Variants in TNIP3 observed in about 807,000 individuals in gnomAD.
The protein encoded by TNIP3 is TNFAIP3 interacting protein 3, also known as TNFAIP3-interacting protein 3.
In TNIP3, 34 loss-of-function variants were observed where a neutral mutation model predicts 54.1. That is an observed-to-expected ratio of 0.63 (90% CI 0.48 to 0.84). The LOEUF is 0.84. Ranked by LOEUF, TNIP3 falls within the 40% of genes least tolerant of loss-of-function variation. The pLI is 0.00. For missense variants in TNIP3, 366 were observed against 387.6 expected (o/e 0.94, Z 0.47); for synonymous variants, 134 against 136.8 (o/e 0.98, Z 0.14).
At chr4:121,145,875 G>A (rs1729397042) in intron 7 of TNIP3, among the ~76,000 whole-genome samples, 1 of 151,514 alleles carries the variant, frequency 6.6e-6, no homozygotes, top group African/African-American at 2.4e-5. Context: ...TACTTGGGAG[G>A]CTGAGGCAGG....
At chr4:121,167,898 CT>C (rs1198956092), upstream of TNIP3, among the ~76,000 whole-genome samples, 1 of 152,078 alleles carries the variant, frequency 6.6e-6, no homozygotes, top group East Asian at 1.9e-4. Context: ...GTCATCTCTG[CT>C]TGTATGCATA....
chr4:121,149,905 C>T lies in TNIP3; in HGVS notation c.609+198G>A, dbSNP rs568321542. Among the ~76,000 whole-genome samples the T allele has an allele frequency of 1.1e-4, 16 of 152,322 alleles. No homozygotes were observed. The South Asian group carries it at 3.3e-3, about 32-fold the overall frequency. ...CATTTAATCTGTCTGAAACTCAGTT[C>T]CCTATGTTCTAAATGGTGGGACTGA... On this transcript the variant is annotated intron_variant, in intron 6 of 10. Coordinates refer to ENST00000057513, the MANE Select transcript of TNIP3 (RefSeq NM_024873.6).
intron 2 of TNIP3, among the ~76,000 whole-genome samples, chr4:121,198,328 T>A (rs1269048286): frequency 6.6e-6 from 1 of 152,080 alleles, no homozygotes; most frequent in Non-Finnish European, 1.5e-5. Flanking sequence ...GAGAAGAAAA[T>A]AACCCAAAAC....
chr4:121,155,855 A>T (rs1211925259), intron 4 of TNIP3, among the ~76,000 whole-genome samples: 1 of 152,180 alleles, frequency 6.6e-6, no homozygotes, highest in African/African-American at 2.4e-5. Flanking sequence ...AATTTAAGAA[A>T]TCCGCTTTAG....
At chr4:121,138,718 A>G in intron 9 of TNIP3, 34 bp from the exon 10 acceptor site, 1 of 1,580,324 alleles carries the variant, frequency 6.3e-7, no homozygotes, top group Non-Finnish European at 8.7e-7. Context: ...TTATAGCAAT[A>G]TGGACTTCAA....
At chr4:121,150,045 A>C (rs1049433950) in intron 6 of TNIP3, 58 bp downstream of exon 6, 52 of 1,063,038 alleles carry the variant, frequency 4.9e-5, no homozygotes, top group East Asian at 3.4e-4. Flanking sequence ...ATGCCCAAAG[A>C]AGCATGAAAA....
upstream of TNIP3, among the ~76,000 whole-genome samples, chr4:121,167,701 G>C (rs1730841434): frequency 6.6e-6 from 1 of 152,160 alleles, no homozygotes; most frequent in South Asian, 2.1e-4. Context: ...ATTGGTTTTA[G>C]TTCATCATGT....
chr4:121,211,640 T>C (rs1428451419), intron 2 of TNIP3, among the ~76,000 whole-genome samples: 1 of 152,214 alleles, frequency 6.6e-6, no homozygotes, highest in African/African-American at 2.4e-5. Flanking sequence ...AGAATTTTAC[T>C]AATGCAATAC....
chr4:121,212,251 T>C (rs957924701), intron 2 of TNIP3, among the ~76,000 whole-genome samples: 8 of 152,336 alleles, frequency 5.3e-5, no homozygotes, highest in Admixed American at 4.6e-4. Context: ...GGGCGTTGTT[T>C]GCATGGAAGA....
At chr4:121,138,916 G>A (rs777158826) in intron 9 of TNIP3, among the ~76,000 whole-genome samples, 18 of 151,850 alleles carry the variant, frequency 1.2e-4, no homozygotes, top group Admixed American at 2.0e-4. Context: ...CCACTTTGAG[G>A]TTGTGACATA....
chr4:121,210,869 G>C (rs1726444523), intron 2 of TNIP3, among the ~76,000 whole-genome samples: 2 of 152,184 alleles, frequency 1.3e-5, no homozygotes, highest in South Asian at 4.2e-4. Context: ...CGAATTTAGG[G>C]GGACACAATT....
At chr4:121,214,051 T>C (rs1010208263) in intron 2 of TNIP3, among the ~76,000 whole-genome samples, 4 of 152,192 alleles carry the variant, frequency 2.6e-5, no homozygotes, top group African/African-American at 9.6e-5. Flanking sequence ...TATCAATACG[T>C]AGGACCGAAA....
chr4:121,193,049 T>C (rs561587249), intron 2 of TNIP3: 16 of 152,328 alleles, frequency 1.1e-4, no homozygotes, highest in African/African-American at 3.8e-4. Flanking sequence ...TATGTAGAAC[T>C]ACCCTATACA....
intron 10 of TNIP3, 62 bp from the exon 11 acceptor site, chr4:121,132,724 G>C: frequency 1.4e-6 from 2 of 1,469,758 alleles, no homozygotes; most frequent in Non-Finnish European, 1.9e-6. Context: ...CTCTTCTTCT[G>C]GCTTAAGGCT....
intron 1 of TNIP3, among the ~76,000 whole-genome samples, chr4:121,163,713 T>C (rs1730595347): frequency 1.3e-5 from 2 of 152,194 alleles, no homozygotes; most frequent in South Asian, 2.1e-4. Flanking sequence ...TGTAAATATA[T>C]AAAAATATTA....
chr4:121,160,939 A>G (rs1417730923), intron 2 of TNIP3, among the ~76,000 whole-genome samples, 197 bp downstream of exon 2: 1 of 152,248 alleles, frequency 6.6e-6, no homozygotes, highest in Non-Finnish European at 1.5e-5. Flanking sequence ...GTCACTGCAC[A>G]GACACTGAGA....
At chr4:121,222,809 T>TG (rs1727085850) in intron 1 of TNIP3, among the ~76,000 whole-genome samples, 1 of 141,422 alleles carries the variant, frequency 7.1e-6, no homozygotes, top group African/African-American at 2.7e-5. Flanking sequence ...TGTGCGTTTT[T>TG]TTTTTTTTTT....
chr4:121,138,528 C>T, intron 10 of TNIP3, 96 bp downstream of exon 10: 6 of 1,200,252 alleles, frequency 5.0e-6, no homozygotes, highest in Middle Eastern at 3.8e-4. Flanking sequence ...AGTAAGTCCT[C>T]CCCAAGTACG....
At chr4:121,150,027 A>C (rs1729650107) in intron 6 of TNIP3, 76 bp downstream of exon 6, 2 of 843,194 alleles carry the variant, frequency 2.4e-6, no homozygotes, top group Admixed American at 4.4e-5. Flanking sequence ...GCAGCAAGAC[A>C]TCTAAAAATG....
Sources: allele counts gnomAD v4.1 joint callset (sites outside exome capture counted in the v4.1 genomes callset), GRCh38; gene constraint gnomAD v4.1.1; transcripts MANE v1.5; gene names NCBI Gene and HGNC (gene_info 2026-07-23, HGNC 2026-07-21).